GRID1: variants seen among roughly 807,000 people sequenced by gnomAD.
GRID1 encodes the protein glutamate ionotropic receptor delta type subunit 1, also known as glutamate receptor ionotropic, delta-1.
In GRID1, 28 loss-of-function variants were observed where a neutral mutation model predicts 98.0. The ratio of observed to expected loss-of-function variants is 0.29; its 90% CI spans 0.21 to 0.39. GRID1 has a LOEUF of 0.39. Among genes scored for constraint, GRID1 ranks in the 10% least tolerant of loss-of-function variants. The pLI is 1.00. For synonymous variants in GRID1, 553 were observed against 538.5 expected (o/e 1.03, Z -0.37); for missense variants, 1,111 against 1,340.5 (o/e 0.83, Z 2.67).
At chr10:86,169,716 C>T (rs537609226) in intron 3 of GRID1, among the ~76,000 whole-genome samples, 1 of 152,308 alleles carries the variant, frequency 6.6e-6, no homozygotes, top group South Asian at 2.1e-4. Context: ...CAGAAGACCC[C>T]CACCAGCCAG....
chr10:85,743,674 A>C (rs2132676564), intron 8 of GRID1, among the ~76,000 whole-genome samples: 1 of 152,316 alleles, frequency 6.6e-6, no homozygotes, highest in Admixed American at 6.5e-5. Flanking sequence ...TGAGAAAGTA[A>C]TTGTGGTTTC....
At chr10:86,114,535 C>T (rs567138080) in intron 4 of GRID1, among the ~76,000 whole-genome samples, 1 of 152,290 alleles carries the variant, frequency 6.6e-6, no homozygotes, top group East Asian at 1.9e-4. Context: ...GGGAGTTGCG[C>T]TCACATCTGA....
chr10:86,305,016 T>C (rs2132084304), intron 2 of GRID1, among the ~76,000 whole-genome samples: 1 of 152,268 alleles, frequency 6.6e-6, no homozygotes, highest in Non-Finnish European at 1.5e-5. Context: ...GAAGGTATTT[T>C]TCAGATGTGA....
At chr10:85,839,161 T>C (rs1034182446) in intron 8 of GRID1, among the ~76,000 whole-genome samples, 2 of 152,130 alleles carry the variant, frequency 1.3e-5, no homozygotes, top group Admixed American at 6.5e-5. Context: ...CTTAGAGACA[T>C]TCAAAGAGAC....
intron 4 of GRID1, among the ~76,000 whole-genome samples, chr10:85,997,412 AT>A: frequency 6.6e-6 from 1 of 151,888 alleles, no homozygotes; most frequent in Non-Finnish European, 1.5e-5. Flanking sequence ...AAAAAAAAAA[AT>A]TATAACATAG....
At chr10:85,840,121 C>T (rs979186725) in intron 8 of GRID1, among the ~76,000 whole-genome samples, 3 of 151,916 alleles carry the variant, frequency 2.0e-5, no homozygotes, top group South Asian at 2.1e-4. Flanking sequence ...AATAGCCTAC[C>T]GACCCCAAAA....
intron 2 of GRID1, among the ~76,000 whole-genome samples, chr10:86,299,197 C>CTT (rs58078110): frequency 0.54 from 76,987 of 141,660 alleles, 24,268 homozygotes; most frequent in Non-Finnish European, 0.7. Flanking sequence ...AATAAGATTT[C>CTT]TTTTTTTTTT....
intron 12 of GRID1, among the ~76,000 whole-genome samples, chr10:85,663,285 C>T (rs1329892194): frequency 6.6e-6 from 1 of 152,188 alleles, no homozygotes; most frequent in South Asian, 2.1e-4. Flanking sequence ...AATTTCTACA[C>T]AGATACCTAC....
At chr10:85,724,328 A>G (rs771578538) in intron 11 of GRID1, 24 bp downstream of exon 11, 5 of 1,586,872 alleles carry the variant, frequency 3.2e-6, no homozygotes, top group Non-Finnish European at 4.3e-6. Flanking sequence ...GAGCTATTCA[A>G]TGATCAGGAA....
chr10:85,981,730 G>A (rs1239912181), intron 4 of GRID1, among the ~76,000 whole-genome samples: 1 of 152,122 alleles, frequency 6.6e-6, no homozygotes, highest in Non-Finnish European at 1.5e-5. Context: ...GATGCTCCAG[G>A]CACCTACTAT....
chr10:85,826,926 C>T (rs1406046834), intron 8 of GRID1, among the ~76,000 whole-genome samples: 1 of 152,088 alleles, frequency 6.6e-6, no homozygotes, highest in Non-Finnish European at 1.5e-5. Context: ...CCACATTATG[C>T]CACAATCAAA....
At chr10:86,167,046 C>T (rs1845408930) in intron 3 of GRID1, among the ~76,000 whole-genome samples, 1 of 152,244 alleles carries the variant, frequency 6.6e-6, no homozygotes, top group Admixed American at 6.5e-5. Context: ...AGAAAAGACC[C>T]AGCCAACAAG....
At chr10:85,862,502 G>A (rs576736233) in intron 6 of GRID1, among the ~76,000 whole-genome samples, 1 of 152,274 alleles carries the variant, frequency 6.6e-6, no homozygotes, top group East Asian at 1.9e-4. Context: ...GAGATAGCAG[G>A]ATCCTGGCAA....
intron 2 of GRID1, among the ~76,000 whole-genome samples, chr10:86,207,350 G>A (rs890523347): frequency 3.3e-5 from 5 of 152,142 alleles, no homozygotes; most frequent in Non-Finnish European, 7.4e-5. Context: ...AGACGTTCCC[G>A]CCACTCAGGC....
intron 8 of GRID1, among the ~76,000 whole-genome samples, chr10:85,771,753 A>G (rs1449306909): frequency 6.6e-6 from 1 of 152,262 alleles, no homozygotes; most frequent in Non-Finnish European, 1.5e-5. Context: ...AAAGGGATCA[A>G]TTCAACAAGA....
intron 12 of GRID1, among the ~76,000 whole-genome samples, chr10:85,664,658 G>A (rs1841000370): frequency 6.6e-6 from 1 of 152,176 alleles, no homozygotes; most frequent in South Asian, 2.1e-4. Context: ...AGTGGCAGTG[G>A]CAGCAATATT....
At chr10:86,289,162 C>G (rs1436408130) in intron 2 of GRID1, among the ~76,000 whole-genome samples, 1 of 152,142 alleles carries the variant, frequency 6.6e-6, no homozygotes, top group Non-Finnish European at 1.5e-5. Context: ...GGGAGAGACA[C>G]AGTGAGGCCC....
At chr10:86,127,089 G>C (rs1844764618) in intron 4 of GRID1, among the ~76,000 whole-genome samples, 1 of 152,212 alleles carries the variant, frequency 6.6e-6, no homozygotes, top group Non-Finnish European at 1.5e-5. Context: ...GATCATTATA[G>C]GGCAGAGAGA....
intron 2 of GRID1, among the ~76,000 whole-genome samples, chr10:86,332,093 C>A (rs7905184): frequency 2.6e-5 from 4 of 152,304 alleles, no homozygotes; most frequent in Non-Finnish European, 5.9e-5. Context: ...TGGGAAACCC[C>A]GAGTCCAGGC....
Sources: gnomAD v4.1 joint callset for allele counts (sites outside exome capture counted in the v4.1 genomes callset) on GRCh38, gnomAD v4.1.1 for gene constraint, MANE v1.5 for transcripts, NCBI Gene and HGNC (gene_info 2026-07-23, HGNC 2026-07-21) for gene names.